Variants in MUCL1 observed in about 807,000 individuals in gnomAD.
The protein encoded by MUCL1 is mucin-like protein 1.
Under a neutral mutation model 9.2 loss-of-function variants are expected in MUCL1, and 11 were observed. The observed-to-expected ratio is 1.19, with a 90% CI of 0.75 to 1.97. MUCL1 has a LOEUF of 1.97. Among genes scored for constraint, MUCL1 ranks in the 30% most tolerant of loss-of-function variants. The pLI is 0.00. For missense variants in MUCL1, 144 were observed against 110.9 expected (o/e 1.30, Z -1.34); for synonymous variants, 48 against 40.5 (o/e 1.19, Z -0.71).
chr12:54,840,947 C>T (rs1959208784), intron 1 of MUCL1, among the ~76,000 whole-genome samples: 1 of 152,202 alleles, frequency 6.6e-6, no homozygotes, highest in African/African-American at 2.4e-5. Flanking sequence ...TAAACCCTCC[C>T]CAGGGATGAA....
At chr12:54,834,722 A>G (rs2121479207), upstream of MUCL1, among the ~76,000 whole-genome samples, 1 of 152,078 alleles carries the variant, frequency 6.6e-6, no homozygotes, top group South Asian at 2.1e-4. Context: ...CATGATTGAA[A>G]TTTTATATAC....
intron 1 of MUCL1, among the ~76,000 whole-genome samples, chr12:54,840,705 G>A (rs1228844613): frequency 6.6e-6 from 1 of 152,168 alleles, no homozygotes; most frequent in Non-Finnish European, 1.5e-5. Context: ...TGACTCCAGT[G>A]GGGATTGGAG....
At chr12:54,852,471 T>A (rs1270996110), upstream of MUCL1, among the ~76,000 whole-genome samples, 1 of 152,234 alleles carries the variant, frequency 6.6e-6, no homozygotes, top group Admixed American at 6.5e-5. Context: ...AAGCTGAAAC[T>A]GGATCCCTTC....
At chr12:54,834,259 G>A (rs1270311186) in intron 1 of MUCL1, among the ~76,000 whole-genome samples, 1 of 151,984 alleles carries the variant, frequency 6.6e-6, no homozygotes, top group Non-Finnish European at 1.5e-5. Flanking sequence ...TTATTTTAGT[G>A]TATTGAGTGA....
intron 1 of MUCL1, among the ~76,000 whole-genome samples, chr12:54,847,221 C>G (rs7972137): frequency 6.6e-6 from 1 of 151,962 alleles, no homozygotes; most frequent in Non-Finnish European, 1.5e-5. Context: ...GTGCCGGGCA[C>G]TCTTCTAAGT....
chr12:54,846,234 A>T (rs1959252417), intron 1 of MUCL1, among the ~76,000 whole-genome samples: 2 of 152,096 alleles, frequency 1.3e-5, no homozygotes, highest in Non-Finnish European at 2.9e-5. Context: ...ACACTGTAAC[A>T]CACACCCTCT....
upstream of MUCL1, among the ~76,000 whole-genome samples, chr12:54,835,817 T>C (rs1425941780): frequency 6.6e-6 from 1 of 152,208 alleles, no homozygotes; most frequent in Non-Finnish European, 1.5e-5. Context: ...ATGCTTTTTC[T>C]GTGTCCGTTG....
rs761605995 is a variant in MUCL1 at position 54,856,827 on chromosome 12, C to CG, written c.158_159insG (p.Thr54AsnfsTer18). ...GAAACCACTGCTGCTGCAACCACTG[C>CG]AACCACTGCTGCTCCTACCACTGCA... is the stretch of plus-strand genomic sequence containing the variant. On this transcript the variant is annotated frameshift_variant, in exon 3 of 4. Coordinates refer to ENST00000308796, the MANE Select transcript of MUCL1 (RefSeq NM_058173.3). LOFTEE classifies it high-confidence loss of function. 5.6e-6 allele frequency: 9 copies of CG among 1,612,038 alleles called. No individual in the cohort carries two copies. Among genetic ancestry groups the CG allele is most frequent in the Middle Eastern group, 1.6e-4 (1 of 6,062 alleles).
chr12:54,855,376 A>G (rs1868291086), intron 2 of MUCL1: 1 of 549,292 alleles, frequency 1.8e-6, no homozygotes, highest in African/African-American at 1.9e-5. Flanking sequence ...TAGGCCATAG[A>G]CTTATACAAA....
chr12:54,840,530 C>T (rs1356212274), intron 1 of MUCL1, among the ~76,000 whole-genome samples: 1 of 152,108 alleles, frequency 6.6e-6, no homozygotes, highest in Non-Finnish European at 1.5e-5. Flanking sequence ...CTTATATTAC[C>T]CAAGGGAGGT....
intron 1 of MUCL1, among the ~76,000 whole-genome samples, chr12:54,843,760 T>C (rs559143796): frequency 3.2e-4 from 48 of 152,298 alleles, no homozygotes; most frequent in Admixed American, 7.2e-4. Flanking sequence ...GATTCTTCTA[T>C]AGAGACTTCA....
At chr12:54,851,004 GTTGT>G (rs1370643511), upstream of MUCL1, among the ~76,000 whole-genome samples, 3 of 152,230 alleles carry the variant, frequency 2.0e-5, no homozygotes, top group East Asian at 1.9e-4. Flanking sequence ...TGTTGATGGG[GTTGT>G]TTGTTTTTTT....
chr12:54,848,999 C>T (rs1050556989), intron 1 of MUCL1, among the ~76,000 whole-genome samples: 2 of 151,996 alleles, frequency 1.3e-5, no homozygotes, highest in Non-Finnish European at 2.9e-5. Context: ...TACAAATGAC[C>T]TGAATTCCTG....
At chr12:54,832,406 G>A (rs1483061952) in intron 1 of MUCL1, among the ~76,000 whole-genome samples, 1 of 151,986 alleles carries the variant, frequency 6.6e-6, no homozygotes, top group African/African-American at 2.4e-5. Context: ...TGTCTTTTCT[G>A]AATAATTTCC....
rs985201519 is a variant in MUCL1, at chr12:54,856,604, G to T, written c.101-166G>T. On this transcript the variant is annotated intron_variant, in intron 2 of 3. Coordinates refer to ENST00000308796, the MANE Select transcript of MUCL1 (RefSeq NM_058173.3). Reference sequence around the variant, plus strand: ...GTCCCAGCAAAGACAAGACAGGGAAGGATGAAGCACAAGGAAAGTAGGCAG... The same window carrying T: ...GTCCCAGCAAAGACAAGACAGGGAATGATGAAGCACAAGGAAAGTAGGCAG... Among the ~76,000 whole-genome samples, 4 of 152,176 alleles carry T rather than the reference G, an allele frequency of 2.6e-5. No homozygotes were observed. The East Asian group carries it at 5.8e-4, about 22-fold the overall frequency.
At chr12:54,853,144 C>T (rs1378067), upstream of MUCL1, among the ~76,000 whole-genome samples, 23,972 of 152,130 alleles carry the variant, frequency 0.16, 2,458 homozygotes, top group Non-Finnish European at 0.24. Flanking sequence ...AGTGCTCTTC[C>T]AGATTACAGA....
At chr12:54,850,072 G>T (rs541747444), upstream of MUCL1, among the ~76,000 whole-genome samples, 14 of 152,300 alleles carry the variant, frequency 9.2e-5, no homozygotes, top group East Asian at 2.5e-3. Context: ...CTGAATATCA[G>T]CTTCAGGGAG....
chr12:54,851,623 A>G (rs1003722794), upstream of MUCL1, among the ~76,000 whole-genome samples: 5 of 151,896 alleles, frequency 3.3e-5, no homozygotes, highest in Non-Finnish European at 7.4e-5. Context: ...CTCTCTCACC[A>G]CTCCTATTCA....
chr12:54,836,164 A>G (rs1959192792), upstream of MUCL1, among the ~76,000 whole-genome samples: 1 of 151,962 alleles, frequency 6.6e-6, no homozygotes, highest in African/African-American at 2.4e-5. Flanking sequence ...ATTGCTGTCA[A>G]TTTTTCTTTG....
Sources: gnomAD v4.1 joint callset for allele counts (sites outside exome capture counted in the v4.1 genomes callset) on GRCh38, gnomAD v4.1.1 for gene constraint, MANE v1.5 for transcripts, NCBI Gene and HGNC (gene_info 2026-07-23, HGNC 2026-07-21) for gene names.